ATF2: variants seen among roughly 807,000 people sequenced by gnomAD.
The protein encoded by ATF2 is cyclic AMP-dependent transcription factor ATF-2.
A neutral mutation model predicts 60.6 loss-of-function variants in ATF2; 24 were observed. The ratio of observed to expected loss-of-function variants is 0.40; its 90% CI spans 0.29 to 0.56. ATF2 has a LOEUF of 0.56. Ranked by LOEUF, ATF2 falls within the 20% of genes least tolerant of loss-of-function variation. The probability of loss-of-function intolerance (pLI) is 0.54; values close to 1 mark genes in which losing one functional copy is unlikely to be tolerated. For synonymous variants in ATF2, 206 were observed against 215.4 expected (o/e 0.96, Z 0.38); for missense variants, 433 against 607.7 (o/e 0.71, Z 3.02).
intron 4 of ATF2, among the ~76,000 whole-genome samples, chr2:175,126,119 CAT>C (rs1448789015): frequency 6.6e-6 from 1 of 152,136 alleles, no homozygotes; most frequent in Non-Finnish European, 1.5e-5. Flanking sequence ...CTACTCTTAT[CAT>C]AGTCTCTAAA....
At chr2:175,140,565 T>A (rs1348897120) in intron 2 of ATF2, among the ~76,000 whole-genome samples, 1 of 152,150 alleles carries the variant, frequency 6.6e-6, no homozygotes, top group Non-Finnish European at 1.5e-5. Flanking sequence ...ATTGTGGTGA[T>A]GGTTTTATGG....
chr2:175,080,561 T>G, intron 13 of ATF2, 99 bp downstream of exon 13: 3 of 846,194 alleles, frequency 3.5e-6, no homozygotes, highest in Middle Eastern at 4.8e-4. Flanking sequence ...ATCTTGAATA[T>G]TAGAAGCACA....
At chr2:175,081,480 C>T (rs142743571) in intron 12 of ATF2, among the ~76,000 whole-genome samples, 3 of 152,284 alleles carry the variant, frequency 2.0e-5, no homozygotes, top group Non-Finnish European at 2.9e-5. Context: ...GCAAGTCCGA[C>T]TAATTCCTTT....
chr2:175,094,538 A>AT (rs1694787649), intron 11 of ATF2, among the ~76,000 whole-genome samples: 1 of 151,832 alleles, frequency 6.6e-6, no homozygotes, highest in South Asian at 2.1e-4. Flanking sequence ...CCTATAATTT[A>AT]TTATATTTAA....
chr2:175,141,853 T>A (rs1698568067), intron 2 of ATF2, among the ~76,000 whole-genome samples: 1 of 152,274 alleles, frequency 6.6e-6, no homozygotes, highest in East Asian at 1.9e-4. Flanking sequence ...GCTATCTACA[T>A]GTGTTACTTC....
At chr2:175,077,669 T>C (rs1483091093) in intron 13 of ATF2, among the ~76,000 whole-genome samples, 1 of 152,204 alleles carries the variant, frequency 6.6e-6, no homozygotes, top group Non-Finnish European at 1.5e-5. Flanking sequence ...AAGGGATGAA[T>C]GCTTACCTAC....
At chr2:175,086,597 T>TG (rs1308918918) in intron 12 of ATF2, among the ~76,000 whole-genome samples, 1 of 152,030 alleles carries the variant, frequency 6.6e-6, no homozygotes. Context: ...TTAGTAGAGA[T>TG]GGGGTTTCAC....
Position 175,140,902 on chromosome 2 carries a change from C to T in ATF2, c.-43-4416G>A, listed in dbSNP as rs375721937. On this transcript the variant is annotated intron_variant, in intron 2 of 13. Transcript: ENST00000264110. The stretch of plus-strand genomic sequence containing the variant: ...GTCCTAGCTGCTCAGGAGGCTGAGG[C>T]AGGAGAATCCCTTGAGCCTAGGATT... 3.4e-4 allele frequency among the ~76,000 whole-genome samples: 48 copies of T among 142,908 alleles called. 4 individuals are homozygous for T. The East Asian group carries it at 3.9e-3, about 12-fold the overall frequency. 93.8% of individuals were successfully genotyped at this position (142,908 alleles called of 152,430 possible).
chr2:175,141,794 CTATAAA>C (rs143143601), intron 2 of ATF2, among the ~76,000 whole-genome samples: 5,193 of 151,944 alleles, frequency 0.034, 286 homozygotes, highest in African/African-American at 0.12. Context: ...TGCCTGGTCC[CTATAAA>C]TATATTTTTC....
rs1695619270 is a variant in ATF2, at chr2:175,105,838, G to A, written c.828+5730C>T. Among the ~76,000 whole-genome samples, 4 of 152,000 alleles carry A rather than the reference G, an allele frequency of 2.6e-5. No individual in the cohort carries two copies. The South Asian group carries it at 8.3e-4, about 32-fold the overall frequency. ...TTAAAATATAAATCAATATGAAAAA[G>A]ATAAATAGAAAAGCCTTGAAATATT... On this transcript the variant is annotated intron_variant, in intron 10 of 13. Coordinates refer to ENST00000264110, the MANE Select transcript of ATF2 (RefSeq NM_001880.4).
intron 1 of ATF2, among the ~76,000 whole-genome samples, chr2:175,153,848 A>AT (rs1699478956): frequency 6.7e-6 from 1 of 150,372 alleles, no homozygotes; most frequent in African/African-American, 2.4e-5. Flanking sequence ...AAAAAAAAAA[A>AT]AAAGCCACCA....
At chr2:175,130,423 C>T (rs1697648219) in intron 3 of ATF2, among the ~76,000 whole-genome samples, 1 of 151,990 alleles carries the variant, frequency 6.6e-6, no homozygotes, top group Non-Finnish European at 1.5e-5. Context: ...AGGTTAGGAA[C>T]ACTGCTCTGT....
chr2:175,153,551 G>A (rs1699448364), intron 1 of ATF2, among the ~76,000 whole-genome samples: 1 of 152,144 alleles, frequency 6.6e-6, no homozygotes, highest in East Asian at 1.9e-4. Flanking sequence ...GCTGGGTGCT[G>A]TGGCTCACAC....
chr2:175,138,113 A>G (rs1191464067), intron 2 of ATF2, among the ~76,000 whole-genome samples: 1 of 152,190 alleles, frequency 6.6e-6, no homozygotes, highest in Non-Finnish European at 1.5e-5. Context: ...CTGGCAAGTA[A>G]CTACAATCTA....
chr2:175,093,234 T>A lies in ATF2; in HGVS notation c.1012A>T (p.Ser338Cys). 6.2e-7 allele frequency: 1 copy of A among 1,614,132 alleles called. No homozygotes were observed. The highest frequency in any genetic ancestry group is 8.5e-7 in the Non-Finnish European group (1 of 1,180,024). The change falls in exon 12 of 14, where the codon AGT (serine) becomes TGT (cysteine). Residue 338 changes from serine (S) to cysteine (C), a missense_variant. Transcript: ENST00000264110. ...GCTCTTCTCCGACGACCACTTGTAC[T>A]TTGGGTCTGTGGAGTTGTGTGAGCT... The part of the protein sequence containing the change: ...SPAHTTPQTQ[S>C]TSGRRRRAAN...
intron 12 of ATF2, among the ~76,000 whole-genome samples, chr2:175,089,496 C>A (rs1694395429): frequency 6.6e-6 from 1 of 152,148 alleles, no homozygotes; most frequent in African/African-American, 2.4e-5. Flanking sequence ...GAAGGATCAT[C>A]AAGGAAATAC....
chr2:175,117,626 A>G (rs999415585), intron 7 of ATF2, among the ~76,000 whole-genome samples: 8 of 152,022 alleles, frequency 5.3e-5, no homozygotes, highest in Admixed American at 4.6e-4. Flanking sequence ...TAATCCTGTA[A>G]AAGTCTAAAA....
At chr2:175,080,584 A>G in intron 13 of ATF2, 76 bp downstream of exon 13, 3 of 1,089,050 alleles carry the variant, frequency 2.8e-6, no homozygotes, top group East Asian at 2.5e-5. Context: ...CTCCATTTTT[A>G]AAGTAGCAGC....
intron 1 of ATF2, among the ~76,000 whole-genome samples, chr2:175,167,410 A>T (rs1205092392): frequency 6.6e-6 from 1 of 151,768 alleles, no homozygotes; most frequent in African/African-American, 2.4e-5. Context: ...GGGTAGCGGG[A>T]TTGTGAGGGT....
Sources: allele counts gnomAD v4.1 joint callset (sites outside exome capture counted in the v4.1 genomes callset), GRCh38; gene constraint gnomAD v4.1.1; transcripts MANE v1.5; gene names NCBI Gene and HGNC (gene_info 2026-07-23, HGNC 2026-07-21).